MYO5A: variants seen among roughly 807,000 people sequenced by gnomAD.
The protein encoded by MYO5A is unconventional myosin-Va.
A neutral mutation model predicts 249.7 loss-of-function variants in MYO5A; 98 were observed. The ratio of observed to expected loss-of-function variants is 0.39; its 90% CI spans 0.33 to 0.46. The LOEUF is 0.46. Among genes scored for constraint, MYO5A ranks in the 20% least tolerant of loss-of-function variants. MYO5A has a pLI of 0.98. For missense variants in MYO5A, 1,696 were observed against 2,308.8 expected (o/e 0.73, Z 5.44); for synonymous variants, 778 against 810.6 (o/e 0.96, Z 0.68).
chr15:52,414,266 T>C (rs1251039071), intron 5 of MYO5A, among the ~76,000 whole-genome samples: 1 of 152,116 alleles, frequency 6.6e-6, no homozygotes, highest in Non-Finnish European at 1.5e-5. Context: ...ACCAGAAGCC[T>C]AGCAGATGCC....
chr15:52,375,043 G>A (rs953479083), intron 20 of MYO5A, among the ~76,000 whole-genome samples: 1 of 152,108 alleles, frequency 6.6e-6, no homozygotes, highest in African/African-American at 2.4e-5. Context: ...ACTTTGGGAA[G>A]CCACAGTGGG....
rs2041882408 is a variant in MYO5A, at chr15:52,384,210, C to T, written c.1865G>A (p.Gly622Asp). 1.2e-6 allele frequency: 2 copies of T among 1,614,042 alleles called. No homozygotes were observed. Among genetic ancestry groups the T allele is most frequent in the African/African-American group, 2.7e-5 (2 of 74,916 alleles). Residue 622 changes from glycine (G) to aspartate (D), a missense_variant, in exon 15 of 42, where the codon GGC (glycine) becomes GAC (aspartate). By Grantham distance (94) the Gly-to-Asp change is moderately conservative. Around this residue, in one of 5 missense-constraint regions of MYO5A, gnomAD observed 277 missense variants for 422.4 expected, o/e 0.66. Coordinates refer to ENST00000399233, the MANE Select transcript of MYO5A (RefSeq NM_001382347.1). ...CTCTTTGGCCATTTGGCCTGGTCTGCCTTTGGTGGGCTTTGCAGGAGTTCG... is the reference window on the plus strand; with the variant it reads ...CTCTTTGGCCATTTGGCCTGGTCTGTCTTTGGTGGGCTTTGCAGGAGTTCG... ...LTRTPAKPTK[G>D]RPGQMAKEHK...
At chr15:52,350,386 C>T (rs190828273) in intron 28 of MYO5A, among the ~76,000 whole-genome samples, 20 of 151,614 alleles carry the variant, frequency 1.3e-4, no homozygotes, top group East Asian at 3.9e-4. Flanking sequence ...TCATCAAGTC[C>T]GATTATACGT....
chr15:52,394,882 T>A (rs1214948180), intron 11 of MYO5A, among the ~76,000 whole-genome samples: 2 of 152,248 alleles, frequency 1.3e-5, no homozygotes, highest in African/African-American at 4.8e-5. Context: ...TTAATGTTCT[T>A]TATGCAGAGA....
intron 1 of MYO5A, among the ~76,000 whole-genome samples, chr15:52,487,103 T>C (rs1452735036): frequency 1.3e-5 from 2 of 152,150 alleles, no homozygotes; most frequent in Non-Finnish European, 2.9e-5. Context: ...TCCTGGGGGA[T>C]GTATGGAACA....
intron 24 of MYO5A, among the ~76,000 whole-genome samples, chr15:52,360,510 T>C (rs1017185700): frequency 2.0e-5 from 3 of 152,196 alleles, no homozygotes; most frequent in Non-Finnish European, 2.9e-5. Flanking sequence ...TTTTACTGCA[T>C]GGTAACTAGG....
chr15:52,359,372 TG>T (rs1156490378), intron 25 of MYO5A, among the ~76,000 whole-genome samples: 2 of 152,350 alleles, frequency 1.3e-5, no homozygotes, highest in Admixed American at 6.5e-5. Context: ...ACTATACTCT[TG>T]GAGTTACAGT....
At chr15:52,456,311 A>G (rs998519732) in intron 1 of MYO5A, among the ~76,000 whole-genome samples, 2 of 152,198 alleles carry the variant, frequency 1.3e-5, no homozygotes, top group African/African-American at 4.8e-5. Flanking sequence ...AAGAAATTAA[A>G]GAGGACACAC....
intron 1 of MYO5A, among the ~76,000 whole-genome samples, chr15:52,501,099 A>G (rs1369192550): frequency 1.3e-5 from 2 of 151,696 alleles, no homozygotes; most frequent in African/African-American, 4.8e-5. Flanking sequence ...CCTCCCGAGT[A>G]GCTGGGACTA....
At chr15:52,330,578 G>C in intron 34 of MYO5A, 79 bp from the exon 35 acceptor site, 1 of 1,529,486 alleles carries the variant, frequency 6.5e-7, no homozygotes, top group Non-Finnish European at 9.0e-7. Flanking sequence ...CTATAATTTT[G>C]AATGCATTCT....
At chr15:52,416,065 A>T in intron 5 of MYO5A, 80 bp downstream of exon 5, 2 of 1,522,614 alleles carry the variant, frequency 1.3e-6, no homozygotes, top group Non-Finnish European at 1.8e-6. Context: ...GCTTTCTGAG[A>T]CATGCTGTAT....
At chr15:52,384,070 G>T in intron 15 of MYO5A, 91 bp downstream of exon 15, 1 of 1,518,436 alleles carries the variant, frequency 6.6e-7, no homozygotes, top group Non-Finnish European at 9.1e-7. Context: ...CTCACCTGAG[G>T]ATCCCACCTG....
chr15:52,315,810 C>T (rs2140911053), intron 40 of MYO5A, among the ~76,000 whole-genome samples: 1 of 151,502 alleles, frequency 6.6e-6, no homozygotes, highest in Non-Finnish European at 1.5e-5. Flanking sequence ...TGCCACCATG[C>T]CCGGCTAATT....
At chr15:52,460,056 G>A (rs866100944) in intron 1 of MYO5A, among the ~76,000 whole-genome samples, 4 of 150,520 alleles carry the variant, frequency 2.7e-5, no homozygotes, top group East Asian at 3.9e-4. Context: ...ACGGGGCGGC[G>A]GGGCAGAGGC....
At chr15:52,418,581 C>A (rs959619503) in intron 4 of MYO5A, among the ~76,000 whole-genome samples, 1 of 151,884 alleles carries the variant, frequency 6.6e-6, no homozygotes, top group Non-Finnish European at 1.5e-5. Context: ...AAGGTAATAC[C>A]AGAATTGAGA....
chr15:52,397,083 A>T, intron 10 of MYO5A, 118 bp downstream of exon 10: 1 of 1,246,076 alleles, frequency 8.0e-7, no homozygotes, highest in Non-Finnish European at 1.1e-6. Context: ...GAATTGTCAT[A>T]GGCAAAGTTT....
intron 1 of MYO5A, among the ~76,000 whole-genome samples, chr15:52,449,193 T>C (rs1419796453): frequency 6.6e-6 from 1 of 152,034 alleles, no homozygotes; most frequent in African/African-American, 2.4e-5. Context: ...GGTCTTGAAC[T>C]CCTGACTTCA....
chr15:52,424,138 A>C (rs1472012219), intron 4 of MYO5A, among the ~76,000 whole-genome samples: 1 of 152,198 alleles, frequency 6.6e-6, no homozygotes, highest in Non-Finnish European at 1.5e-5. Context: ...TTTCCAACTT[A>C]AGGGAAAAAA....
chr15:52,450,044 G>A (rs569312178), intron 1 of MYO5A, among the ~76,000 whole-genome samples: 2 of 152,208 alleles, frequency 1.3e-5, no homozygotes, highest in East Asian at 1.9e-4. Context: ...AGAGCAGGGC[G>A]TGGTGATGTG....
Sources: gnomAD v4.1 joint callset for allele counts (sites outside exome capture counted in the v4.1 genomes callset) on GRCh38, gnomAD v4.1.1 for gene constraint, gnomAD v4.1.1 regional missense constraint, MANE v1.5 for transcripts, NCBI Gene and HGNC (gene_info 2026-07-23, HGNC 2026-07-21) for gene names.